Variants in AUTS2 observed in about 807,000 individuals in gnomAD.
AUTS2 encodes the protein activator of transcription and developmental regulator AUTS2.
A neutral mutation model predicts 112.4 loss-of-function variants in AUTS2; 17 were observed. The observed-to-expected ratio is 0.15, with a 90% CI of 0.10 to 0.23. AUTS2 has a LOEUF of 0.23. Ranked by LOEUF, AUTS2 falls within the 10% of genes least tolerant of loss-of-function variation. The pLI is 1.00. For missense variants in AUTS2, 1,510 were observed against 1,701.6 expected (o/e 0.89, Z 1.98); for synonymous variants, 751 against 702.7 (o/e 1.07, Z -1.09).
intron 4 of AUTS2, among the ~76,000 whole-genome samples, chr7:70,252,782 C>T (rs1022160245): frequency 6.6e-6 from 1 of 152,064 alleles, no homozygotes; most frequent in African/African-American, 2.4e-5. Context: ...AAGTAAGCAT[C>T]CAGTTTCATT....
intron 1 of AUTS2, among the ~76,000 whole-genome samples, chr7:69,763,955 G>C (rs765666058): frequency 5.9e-5 from 9 of 152,196 alleles, no homozygotes; most frequent in African/African-American, 9.7e-5. Flanking sequence ...CTTGGATTGA[G>C]CTCCTACAGG....
At chr7:70,787,041 C>T in intron 17 of AUTS2, 168 bp from the exon 18 acceptor site, 1 of 757,236 alleles carries the variant, frequency 1.3e-6, no homozygotes. Context: ...CAGTGTAGGA[C>T]AAGACTTCCT....
At chr7:70,208,060 G>GA in intron 4 of AUTS2, among the ~76,000 whole-genome samples, 1 of 117,188 alleles carries the variant, frequency 8.5e-6, no homozygotes, top group African/African-American at 3.2e-5. Context: ...CTTTATAATA[G>GA]AAAAAAGGAG....
chr7:69,854,221 C>T (rs1792618418), intron 1 of AUTS2, among the ~76,000 whole-genome samples: 1 of 152,116 alleles, frequency 6.6e-6, no homozygotes, highest in Non-Finnish European at 1.5e-5. Flanking sequence ...TCTAAATTCA[C>T]CCTGTTAGGT....
At chr7:70,246,841 T>G (rs1812948158) in intron 4 of AUTS2, among the ~76,000 whole-genome samples, 2 of 152,128 alleles carry the variant, frequency 1.3e-5, no homozygotes, top group South Asian at 4.1e-4. Context: ...TATTTATCTT[T>G]ATTTATTTAA....
chr7:70,227,805 T>A (rs1402398806), intron 4 of AUTS2, among the ~76,000 whole-genome samples: 1 of 152,140 alleles, frequency 6.6e-6, no homozygotes, highest in Admixed American at 6.5e-5. Context: ...ATATACTTTA[T>A]GTGATATTAG....
At chr7:70,662,577 A>G (rs141826349) in intron 5 of AUTS2, among the ~76,000 whole-genome samples, 226 of 152,334 alleles carry the variant, frequency 1.5e-3, no homozygotes, top group Non-Finnish European at 2.4e-3. Flanking sequence ...ACCGTTGCCT[A>G]CATACCTAGG....
At chr7:70,310,794 T>C (rs1270812543) in intron 4 of AUTS2, among the ~76,000 whole-genome samples, 1 of 152,150 alleles carries the variant, frequency 6.6e-6, no homozygotes, top group Admixed American at 6.5e-5. Context: ...TTTTGATGAA[T>C]TGGCTCCTGG....
chr7:69,738,061 G>A (rs1196003131), intron 1 of AUTS2, among the ~76,000 whole-genome samples: 3 of 151,960 alleles, frequency 2.0e-5, no homozygotes, highest in African/African-American at 7.3e-5. Context: ...CAGAGAAGGG[G>A]AATTCTGATC....
chr7:69,617,770 G>A (rs923535385), intron 1 of AUTS2, among the ~76,000 whole-genome samples: 2 of 152,130 alleles, frequency 1.3e-5, no homozygotes, highest in African/African-American at 4.8e-5. Flanking sequence ...GGAGACATGG[G>A]GCATCTTTTT....
intron 1 of AUTS2, among the ~76,000 whole-genome samples, chr7:69,614,370 T>TCTTTCTTTCTTTTC (rs1322536871): frequency 1.8e-4 from 5 of 28,548 alleles, no homozygotes; most frequent in East Asian, 1.7e-3. Flanking sequence ...CTTTCTTTTT[T>TCTTTCTTTCTTTTC]TAAGAGATGG....
chr7:70,585,351 A>G (rs906022845), intron 5 of AUTS2, among the ~76,000 whole-genome samples: 1 of 152,258 alleles, frequency 6.6e-6, no homozygotes, highest in Admixed American at 6.5e-5. Flanking sequence ...ACTTTACAAC[A>G]CAGGCCTGAA....
rs145007456 is a variant in AUTS2 at position 69,812,839 on chromosome 7, C to A, written c.310-86447C>A. ...TTTCTCAGCACCTCTGTTGCCACTACCCTGGTCTGAGTTGCCATCATGTTT... is the reference window on the plus strand; with the variant it reads ...TTTCTCAGCACCTCTGTTGCCACTAACCTGGTCTGAGTTGCCATCATGTTT... On this transcript the variant is annotated intron_variant, in intron 1 of 18. Transcript: ENST00000342771. Among the ~76,000 whole-genome samples the A allele has an allele frequency of 2.3e-3, 355 of 152,282 alleles. 1 individual carries two copies. Among genetic ancestry groups the A allele is most frequent in the African/African-American group, 7.4e-3 (308 of 41,560 alleles).
At position 70,434,146 on chromosome 7, in the gene AUTS2, T is replaced by A. The variant is rs190221560; in HGVS notation, c.661-1606T>A. On this transcript the variant is annotated intron_variant, in intron 4 of 18. Coordinates refer to ENST00000342771, the MANE Select transcript of AUTS2 (RefSeq NM_015570.4). ...GCAGGTGGTTCCTTCTTTTCTTTGT[T>A]TACTGGGGAGACAAAATTGTTTCTA... is the stretch of plus-strand genomic sequence containing the variant. Among the ~76,000 whole-genome samples, 646 of 152,334 alleles carry A rather than the reference T, an allele frequency of 4.2e-3. 4 individuals carry two copies. Among genetic ancestry groups the A allele is most frequent in the Non-Finnish European group, 7.0e-3 (474 of 68,022 alleles).
intron 1 of AUTS2, among the ~76,000 whole-genome samples, chr7:69,898,270 A>T (rs1400042715): frequency 1.3e-5 from 2 of 152,314 alleles, no homozygotes; most frequent in East Asian, 1.9e-4. Context: ...AGGCTTCATG[A>T]GGGGGATTTT....
At chr7:70,486,906 C>A (rs564367242) in intron 5 of AUTS2, among the ~76,000 whole-genome samples, 4 of 118,826 alleles carry the variant, frequency 3.4e-5, no homozygotes, top group South Asian at 7.4e-4. Flanking sequence ...TTCCCCCCCC[C>A]CCAAAAAAAA....
intron 2 of AUTS2, among the ~76,000 whole-genome samples, chr7:70,024,266 A>C (rs1232267522): frequency 6.6e-6 from 1 of 152,236 alleles, no homozygotes; most frequent in Non-Finnish European, 1.5e-5. Context: ...ATTTTGATGC[A>C]GCAATATGCT....
intron 5 of AUTS2, among the ~76,000 whole-genome samples, chr7:70,477,683 G>A (rs1797633776): frequency 6.6e-6 from 1 of 152,160 alleles, no homozygotes; most frequent in Admixed American, 6.5e-5. Context: ...GTGCAAGCTA[G>A]GTAAGAATAT....
intron 4 of AUTS2, among the ~76,000 whole-genome samples, chr7:70,319,063 C>A (rs1447906261): frequency 6.6e-6 from 1 of 152,162 alleles, no homozygotes; most frequent in Non-Finnish European, 1.5e-5. Flanking sequence ...CTTACCAGTT[C>A]ATTTAAGTTT....
Sources: allele counts gnomAD v4.1 joint callset (sites outside exome capture counted in the v4.1 genomes callset), GRCh38; gene constraint gnomAD v4.1.1; transcripts MANE v1.5; gene names NCBI Gene and HGNC (gene_info 2026-07-23, HGNC 2026-07-21).